Variants in RGS6 observed in about 807,000 individuals in gnomAD.
The protein encoded by RGS6 is regulator of G-protein signaling 6.
RGS6 carries 30 observed loss-of-function variants against 78.5 expected under a neutral mutation model. The observed-to-expected ratio is 0.38, with a 90% CI of 0.29 to 0.52. The LOEUF (loss-of-function observed/expected upper bound fraction) is 0.52, where lower values mean the gene tolerates loss of function less well. Among genes scored for constraint, RGS6 ranks in the 20% least tolerant of loss-of-function variants. RGS6 has a pLI of 0.85. For synonymous variants in RGS6, 206 were observed against 206.0 expected (o/e 1.00, Z 0.00); for missense variants, 495 against 609.7 (o/e 0.81, Z 1.98).
intron 15 of RGS6, among the ~76,000 whole-genome samples, chr14:72,523,408 C>T (rs2097076608): frequency 6.6e-6 from 1 of 152,158 alleles, no homozygotes; most frequent in Admixed American, 6.5e-5. Flanking sequence ...TGGGTGGCTT[C>T]CTCAGCTGGT....
chr14:72,384,305 A>C (rs191963910), intron 3 of RGS6, among the ~76,000 whole-genome samples: 1 of 152,346 alleles, frequency 6.6e-6, no homozygotes, highest in Admixed American at 6.5e-5. Context: ...TTAAAGTGAA[A>C]GTGACAAGTG....
chr14:72,060,249 A>G (rs1231384182), intron 2 of RGS6, among the ~76,000 whole-genome samples: 2 of 152,250 alleles, frequency 1.3e-5, no homozygotes, highest in Admixed American at 6.5e-5. Context: ...AAGCTCTGTA[A>G]TAGTTATTTT....
intron 16 of RGS6, 128 bp downstream of exon 16, chr14:72,536,403 ATC>A (rs1183066013): frequency 2.9e-6 from 2 of 692,238 alleles, no homozygotes; most frequent in Non-Finnish European, 5.1e-6. Context: ...TCCCTTCTCT[ATC>A]TGCTCCCATT....
At chr14:72,076,952 TTA>T (rs10642376) in intron 2 of RGS6, among the ~76,000 whole-genome samples, 162 of 145,464 alleles carry the variant, frequency 1.1e-3, no homozygotes, top group East Asian at 6.3e-3. Flanking sequence ...CAGCCAAATT[TTA>T]TATATATATA....
intron 1 of RGS6, among the ~76,000 whole-genome samples, chr14:71,937,618 A>G (rs186562120): frequency 5.4e-4 from 82 of 152,320 alleles, no homozygotes; most frequent in African/African-American, 1.9e-3. Context: ...AGTGAATTCC[A>G]TGAGCATGAA....
intron 12 of RGS6, among the ~76,000 whole-genome samples, chr14:72,489,285 G>T (rs551475452): frequency 2.0e-5 from 3 of 152,084 alleles, no homozygotes; most frequent in Admixed American, 6.6e-5. Context: ...AGTACAACTC[G>T]TCACCCCCTG....
At chr14:72,152,597 G>C (rs530402969) in intron 2 of RGS6, among the ~76,000 whole-genome samples, 10 of 152,136 alleles carry the variant, frequency 6.6e-5, no homozygotes, top group Admixed American at 6.5e-4. Context: ...AGCAGAAAAC[G>C]TTTACCAGTA....
chr14:72,294,227 T>C (rs546678876), intron 2 of RGS6, among the ~76,000 whole-genome samples: 1 of 152,344 alleles, frequency 6.6e-6, no homozygotes, highest in Admixed American at 6.5e-5. Flanking sequence ...CTGATTTTCC[T>C]GTATTAGGAT....
At chr14:72,313,799 C>T (rs2069289043) in intron 2 of RGS6, among the ~76,000 whole-genome samples, 1 of 152,154 alleles carries the variant, frequency 6.6e-6, no homozygotes, top group Non-Finnish European at 1.5e-5. Context: ...GAAGAAAGAA[C>T]AAAGGAAAAT....
intron 1 of RGS6, among the ~76,000 whole-genome samples, chr14:71,942,824 T>C (rs1331883840): frequency 6.6e-6 from 1 of 152,156 alleles, no homozygotes; most frequent in Non-Finnish European, 1.5e-5. Context: ...GTGTGGTAAC[T>C]TCAAAAAAAG....
In RGS6 at chr14:72,465,731, A is replaced by C. The variant is rs561418913; in HGVS notation, c.395-27A>C. The C allele has an allele frequency of 8.3e-6, 13 of 1,574,262 alleles. No homozygotes were observed. The Admixed American group carries it at 1.7e-4, about 20-fold the overall frequency. On this transcript the variant is annotated intron_variant, in intron 6 of 17. Coordinates refer to ENST00000553525, the MANE Select transcript of RGS6 (RefSeq NM_001204424.2). Reference sequence around the variant, plus strand: ...TTCCATTGTGCTGCTGGTTTTGTACATGTTGTCATTTCCTTTCTTCCCTCA... The same window carrying C: ...TTCCATTGTGCTGCTGGTTTTGTACCTGTTGTCATTTCCTTTCTTCCCTCA...
At chr14:72,112,939 C>A (rs888221928) in intron 2 of RGS6, among the ~76,000 whole-genome samples, 7 of 152,178 alleles carry the variant, frequency 4.6e-5, no homozygotes, top group Admixed American at 2.0e-4. Context: ...AGTTCATTCC[C>A]CTGAATCAAA....
intron 2 of RGS6, among the ~76,000 whole-genome samples, chr14:72,197,890 G>A (rs2040567460): frequency 6.6e-6 from 1 of 151,912 alleles, no homozygotes; most frequent in South Asian, 2.1e-4. Context: ...CAGGTTAGAT[G>A]CTAACCAATG....
chr14:72,417,383 A>G (rs1566791795), intron 3 of RGS6, among the ~76,000 whole-genome samples: 1 of 152,306 alleles, frequency 6.6e-6, no homozygotes, highest in East Asian at 1.9e-4. Context: ...AGCCATGACA[A>G]TTAAGTGCAT....
chr14:72,461,526 T>C (rs1390258762), intron 6 of RGS6, among the ~76,000 whole-genome samples: 1 of 152,154 alleles, frequency 6.6e-6, no homozygotes, highest in African/African-American at 2.4e-5. Flanking sequence ...AGGTTCAGGA[T>C]GCACAAGTGT....
At chr14:72,604,874 C>A in the RGS6 span, among the ~76,000 whole-genome samples, 1 of 152,150 alleles carries the variant, frequency 6.6e-6, no homozygotes, top group East Asian at 1.9e-4. Context: ...AATAGTCAGT[C>A]CCCTGCCTCC....
chr14:72,074,379 G>T (rs1181693560), intron 2 of RGS6, among the ~76,000 whole-genome samples: 1 of 151,760 alleles, frequency 6.6e-6, no homozygotes, highest in Non-Finnish European at 1.5e-5. Flanking sequence ...GTAGGGGTGG[G>T]TAGAGACAGG....
intron 2 of RGS6, among the ~76,000 whole-genome samples, chr14:72,107,075 T>C (rs901042634): frequency 6.6e-6 from 1 of 152,160 alleles, no homozygotes; most frequent in African/African-American, 2.4e-5. Flanking sequence ...ATTTATTAGC[T>C]GGAAAGTCTT....
intron 2 of RGS6, among the ~76,000 whole-genome samples, chr14:71,972,413 C>T (rs1192171819): frequency 6.6e-6 from 1 of 151,958 alleles, no homozygotes; most frequent in Non-Finnish European, 1.5e-5. Flanking sequence ...ATACATTTTC[C>T]TTAAATTGTC....
Sources: gnomAD v4.1 joint callset for allele counts (sites outside exome capture counted in the v4.1 genomes callset) on GRCh38, gnomAD v4.1.1 for gene constraint, MANE v1.5 for transcripts, NCBI Gene and HGNC (gene_info 2026-07-23, HGNC 2026-07-21) for gene names.